The following ATG16L2 variants were observed in gnomAD, a reference collection of about 807,000 sequenced individuals.
ATG16L2 encodes protein Atg16l2.
ATG16L2 carries 77 observed loss-of-function variants against 84.7 expected under a neutral mutation model. The ratio of observed to expected loss-of-function variants is 0.91; its 90% CI spans 0.76 to 1.10. The LOEUF (loss-of-function observed/expected upper bound fraction) is 1.10, where lower values mean the gene tolerates loss of function less well. Ranked by LOEUF, ATG16L2 falls within the 50% of genes least tolerant of loss-of-function variation. The pLI, the probability that ATG16L2 is intolerant of heterozygous loss-of-function variation, is 0.00. For synonymous variants in ATG16L2, 361 were observed against 342.8 expected, an observed-to-expected ratio of 1.05 and a Z score of -0.59; for missense variants, 782 against 817.6, an observed-to-expected ratio of 0.96 and a Z score of 0.53.
At chr11:72,832,314 G>A (rs1282590184), downstream of ATG16L2, among the ~76,000 whole-genome samples, 3 of 152,174 alleles carry the variant, frequency 2.0e-5, no homozygotes, top group African/African-American at 4.8e-5. Context: ...TGCTGCCATC[G>A]GGTGGAGTTG....
In ATG16L2 at chr11:72,828,443, C is replaced by G. The variant is rs984728756; in HGVS notation, c.1557C>G (p.Ser519Arg). The stretch of plus-strand genomic sequence containing the variant: ...GCCACGACCAACTGCACCTGCTCAG[C>G]TGTTCCCGAGACAACACACTCAAGG... The part of the protein sequence containing the change: ...SLSHDQLHLL[S>R]CSRDNTLKVI... The change falls in exon 15 of 18, where the codon AGC (serine) becomes AGG (arginine). Residue 519 changes from serine to arginine, a missense_variant. Ser to Arg is a moderately radical substitution (Grantham distance 110, BLOSUM62 -1). Transcript: ENST00000321297. 4 of 1,613,998 alleles carry G rather than the reference C, an allele frequency of 2.5e-6. No homozygotes were observed. The highest frequency in any genetic ancestry group is 3.3e-5 in the Admixed American group (2 of 60,008).
downstream of ATG16L2, among the ~76,000 whole-genome samples, chr11:72,834,107 C>A (rs1860664890): frequency 6.6e-6 from 1 of 151,956 alleles, no homozygotes; most frequent in East Asian, 1.9e-4. Context: ...CAGGAAGAGT[C>A]TAGGAGGAAA....
intron 8 of ATG16L2, chr11:72,824,359 G>T (rs778295388): frequency 3.0e-4 from 180 of 590,474 alleles, no homozygotes; most frequent in Non-Finnish European, 5.0e-4. Flanking sequence ...CGTCACAGGG[G>T]ACCAAGAGCT....
intron 5 of ATG16L2, chr11:72,841,556 A>G (rs76079323): frequency 6.2e-7 from 1 of 1,610,078 alleles, no homozygotes; most frequent in Non-Finnish European, 8.5e-7. Flanking sequence ...GGAGGCAGGG[A>G]GGCGTGTGGC....
At chr11:72,826,277 G>T (rs1459982037) in intron 11 of ATG16L2, 34 bp downstream of exon 11, 4 of 1,607,726 alleles carry the variant, frequency 2.5e-6, no homozygotes, top group Non-Finnish European at 1.7e-6. Flanking sequence ...ATGGGATTGT[G>T]CCCTCTCTGA....
chr11:72,828,423 G>A lies in ATG16L2; in HGVS notation c.1537G>A (p.Asp513Asn), dbSNP rs759829275. 11 of 1,614,026 alleles carry A rather than the reference G, an allele frequency of 6.8e-6. No individual in the cohort carries two copies. Among genetic ancestry groups the A allele is most frequent in the Admixed American group, 6.7e-5 (4 of 60,006 alleles). The change falls in exon 15 of 18, where the codon GAC becomes AAC. Residue 513 changes from aspartate (D) to asparagine (N), a missense_variant. By Grantham distance (23) the Asp-to-Asn change is conservative. Coordinates refer to ENST00000321297, the MANE Select transcript of ATG16L2 (RefSeq NM_033388.2). ...GGTCACCTCCCTGAGCCTCAGCCAC[G>A]ACCAACTGCACCTGCTCAGCTGTTC... Reference protein sequence around the residue: ...GRVTSLSLSHDQLHLLSCSRD... With the variant: ...GRVTSLSLSHNQLHLLSCSRD...
rs1565268598 is a variant in ATG16L2, at chr11:72,825,406, A to G, written c.1101A>G (p.Gly367=). ...TGATCCACCTCTGGAATGTTGTGGG[A>G]AGTAAGGAGCCCTCCCCTGCCGGCC... The part of the protein sequence containing the change: ...DRLIHLWNVV[G]SRLEANQTLE... Residue 367 remains glycine, a splice_region_variant and synonymous_variant, in exon 10 of 18, where the codon GGA becomes GGG. Transcript: ENST00000321297. 1.9e-6 allele frequency: 3 copies of G among 1,611,012 alleles called. No homozygotes were observed. The highest frequency in any genetic ancestry group is 2.7e-5 in the African/African-American group (2 of 74,974).
chr11:72,822,108 G>T lies in ATG16L2; in HGVS notation c.457G>T (p.Val153Leu), dbSNP rs1342964754. The change falls in exon 5 of 18, where the codon GTG becomes TTG. Residue 153 changes from valine (V) to leucine (L), a missense_variant. Physicochemically the swap from Val to Leu is conservative, Grantham distance 32 (BLOSUM62 1). Transcript: ENST00000321297. The surrounding 1 kb of genome is among the most constrained non-coding windows in gnomAD (Gnocchi z 4.2). ...GGCGCGGGCGCAGCAGGCCCAGCAGGTGGAGGAGTGGCGGGCGCAGAATGC... is the reference window on the plus strand; with the variant it reads ...GGCGCGGGCGCAGCAGGCCCAGCAGTTGGAGGAGTGGCGGGCGCAGAATGC... ...REARAQQAQQVEEWRAQNAVQ... is the reference protein window; with the variant it reads ...REARAQQAQQLEEWRAQNAVQ... The T allele has an allele frequency of 1.3e-6, 2 of 1,536,154 alleles. No individual in the cohort carries two copies. Among genetic ancestry groups the T allele is most frequent in the Admixed American group, 4.0e-5 (2 of 49,512 alleles).
chr11:72,826,304 G>C, intron 11 of ATG16L2, 61 bp downstream of exon 11: 1 of 1,559,508 alleles, frequency 6.4e-7, no homozygotes, highest in East Asian at 2.3e-5. Context: ...CACTGGGCAG[G>C]TGGGGGCTGT....
chr11:72,841,023 G>C, intron 5 of ATG16L2: 7 of 1,246,284 alleles, frequency 5.6e-6, no homozygotes, highest in Non-Finnish European at 8.2e-6. Context: ...CTGATGCAAG[G>C]CTGGCATGGT....
At chr11:72,819,831 A>C (rs571057533) in intron 3 of ATG16L2, among the ~76,000 whole-genome samples, 1 of 151,140 alleles carries the variant, frequency 6.6e-6, no homozygotes, top group Non-Finnish European at 1.5e-5. Flanking sequence ...CTGCAACCTC[A>C]GCCTCCCGGG....
In ATG16L2 at chr11:72,822,670, C is replaced by A. The variant is rs1020684549; in HGVS notation, c.710+127C>A. ...CTGAGGCCCCCATGTGGTCGGAGCCCACGAGACACCTGCAGAGGACCGTGT... is the reference window on the plus strand; with the variant it reads ...CTGAGGCCCCCATGTGGTCGGAGCCAACGAGACACCTGCAGAGGACCGTGT... On this transcript the variant is annotated intron_variant, in intron 6 of 17. Transcript: ENST00000321297. This position sits in a 1 kb window ranked among gnomAD's most constrained non-coding sequence, Gnocchi z 4.2. The A allele has an allele frequency of 1.6e-5, 20 of 1,255,138 alleles. No individual in the cohort carries two copies. The highest frequency in any genetic ancestry group is 2.1e-5 in the Non-Finnish European group (19 of 901,328). The allele number at this position is 1,255,138 out of a possible 1,614,324, so 77.8% of individuals were successfully genotyped here. A position where few individuals can be genotyped will look rare whatever the true frequency, so the allele number is the denominator to read the frequency against.
At chr11:72,827,377 G>A in intron 14 of ATG16L2, 84 bp downstream of exon 14, 1 of 1,201,128 alleles carries the variant, frequency 8.3e-7, no homozygotes. Flanking sequence ...GGCCATGGCA[G>A]GAGGAGTCTT....
intron 5 of ATG16L2, among the ~76,000 whole-genome samples, chr11:72,835,614 G>A (rs1390253490): frequency 2.6e-5 from 4 of 152,294 alleles, no homozygotes; most frequent in Non-Finnish European, 2.9e-5. Context: ...GTCCATATGC[G>A]GTTGGTGGGA....
At chr11:72,826,301 C>T in intron 11 of ATG16L2, 58 bp downstream of exon 11, 1 of 1,566,626 alleles carries the variant, frequency 6.4e-7, no homozygotes, top group African/African-American at 1.3e-5. Flanking sequence ...CCACACTGGG[C>T]AGGTGGGGGC....
At position 72,825,392 on chromosome 11, in the gene ATG16L2, T is replaced by C; in HGVS notation, c.1087T>C (p.Trp363Arg). ...AGGGGCTGACCGCCTGATCCACCTC[T>C]GGAATGTTGTGGGAAGTAAGGAGCC... ...TGGADRLIHLWNVVGSRLEAN... is the reference protein window; with the variant it reads ...TGGADRLIHLRNVVGSRLEAN... The change falls in exon 10 of 18, where the codon TGG becomes CGG. Residue 363 changes from tryptophan (W) to arginine (R), a missense_variant. Coordinates refer to ENST00000321297, the MANE Select transcript of ATG16L2 (RefSeq NM_033388.2). 6.2e-7 allele frequency: 1 copy of C among 1,612,226 alleles called. No individual in the cohort carries two copies. The highest frequency in any genetic ancestry group is 8.5e-7 in the Non-Finnish European group (1 of 1,179,912).
downstream of ATG16L2, chr11:72,829,680 T>C (rs529125082): frequency 3.5e-6 from 4 of 1,128,004 alleles, no homozygotes; most frequent in Non-Finnish European, 4.4e-6. Flanking sequence ...ACAGAGACCT[T>C]TGGGCTAGTG....
rs1435423996 is a variant in ATG16L2 at position 72,829,288 on chromosome 11, C to T, written c.1773-15C>T. 1.2e-6 allele frequency: 2 copies of T among 1,611,880 alleles called. No homozygotes were observed. The highest frequency in any genetic ancestry group is 1.7e-6 in the Non-Finnish European group (2 of 1,178,872). On this transcript the variant is annotated splice_polypyrimidine_tract_variant and intron_variant, in intron 17 of 17. Coordinates refer to ENST00000321297, the MANE Select transcript of ATG16L2 (RefSeq NM_033388.2). ...TCCTGAAGCCCCCCTGAAGCCTGCC[C>T]CTCCCTTTCCCCAGCGCTGCCGTCA... is the stretch of plus-strand genomic sequence containing the variant.
chr11:72,823,749 GTCTC>G (rs1474043638), intron 7 of ATG16L2: 2 of 505,890 alleles, frequency 4.0e-6, no homozygotes, highest in Non-Finnish European at 7.7e-6. Context: ...AACCTTCAGC[GTCTC>G]TCCTCCCTGT....
Sources: allele counts gnomAD v4.1 joint callset (sites outside exome capture counted in the v4.1 genomes callset), GRCh38; gene constraint gnomAD v4.1.1; non-coding constraint Gnocchi (gnomAD v3.1); transcripts MANE v1.5; gene names NCBI Gene and HGNC (gene_info 2026-07-23, HGNC 2026-07-21).